SUPT3H: variants seen among roughly 807,000 people sequenced by gnomAD.
SUPT3H encodes the protein transcription initiation protein SPT3 homolog.
Under a neutral mutation model 44.3 loss-of-function variants are expected in SUPT3H, and 44 were observed. The observed-to-expected ratio is 0.99, with a 90% CI of 0.78 to 1.28. SUPT3H has a LOEUF of 1.28. Ranked by LOEUF, SUPT3H falls within the 50% of genes most tolerant of loss-of-function variation. SUPT3H has a pLI of 0.00. For synonymous variants in SUPT3H, 124 were observed against 125.6 expected (o/e 0.99, Z 0.09); for missense variants, 380 against 387.1 (o/e 0.98, Z 0.15).
intron 3 of SUPT3H, among the ~76,000 whole-genome samples, chr6:45,084,573 T>C (rs373531001): frequency 6.6e-6 from 1 of 152,236 alleles, no homozygotes; most frequent in East Asian, 1.9e-4. Flanking sequence ...ACAAAGAACT[T>C]AAAACAGAAG....
At chr6:44,997,290 T>C (rs1781395729) in intron 6 of SUPT3H, among the ~76,000 whole-genome samples, 1 of 151,812 alleles carries the variant, frequency 6.6e-6, no homozygotes, top group African/African-American at 2.4e-5. Flanking sequence ...ATTTAGTCTA[T>C]ATCCAGGAAC....
At chr6:45,328,334 G>A (rs369627478) in intron 2 of SUPT3H, 45 of 1,370,962 alleles carry the variant, frequency 3.3e-5, no homozygotes, top group Admixed American at 2.7e-4. Flanking sequence ...TGCTTCATTC[G>A]CCTCACAAAC....
At chr6:45,224,550 CA>C (rs1766588344) in intron 2 of SUPT3H, among the ~76,000 whole-genome samples, 1 of 151,972 alleles carries the variant, frequency 6.6e-6, no homozygotes, top group South Asian at 2.1e-4. Flanking sequence ...AAACTATACC[CA>C]ACTGGATCAA....
At chr6:45,217,013 C>A (rs532974388) in intron 2 of SUPT3H, among the ~76,000 whole-genome samples, 2 of 152,148 alleles carry the variant, frequency 1.3e-5, no homozygotes, top group South Asian at 4.1e-4. Context: ...CAAGGTAGGA[C>A]AACTTTGGTT....
At chr6:45,205,698 G>A (rs1763118599) in intron 2 of SUPT3H, among the ~76,000 whole-genome samples, 1 of 152,212 alleles carries the variant, frequency 6.6e-6, no homozygotes, top group Non-Finnish European at 1.5e-5. Context: ...CCGGGAGGCT[G>A]AGGCAGGAGA....
At chr6:45,258,377 C>G (rs1773761874) in intron 2 of SUPT3H, among the ~76,000 whole-genome samples, 1 of 152,176 alleles carries the variant, frequency 6.6e-6, no homozygotes. Flanking sequence ...CAAACCATAG[C>G]AACCATAATT....
In SUPT3H at chr6:44,902,982, C is replaced by T. The variant is rs539219458; in HGVS notation, c.912+29671G>A. ...AAATAAAGATGTCCTTTGAAACCAA[C>T]GAGAACAAAGACACAACATACCAGA... On this transcript the variant is annotated intron_variant, in intron 10 of 10. Coordinates refer to ENST00000371459, the MANE Select transcript of SUPT3H (RefSeq NM_003599.4). Among the ~76,000 whole-genome samples, 103 of 152,068 alleles carry T rather than the reference C, an allele frequency of 6.8e-4. No individual in the cohort carries two copies. In the East Asian group the frequency reaches 0.018, roughly 26 times the overall value.
At chr6:45,223,631 T>C (rs1168303297) in intron 2 of SUPT3H, among the ~76,000 whole-genome samples, 3 of 152,060 alleles carry the variant, frequency 2.0e-5, no homozygotes, top group South Asian at 2.1e-4. Flanking sequence ...TCAATTAATC[T>C]TACCCTCTTA....
intron 3 of SUPT3H, among the ~76,000 whole-genome samples, chr6:45,102,009 A>G (rs1051197640): frequency 3.3e-5 from 5 of 152,146 alleles, no homozygotes; most frequent in African/African-American, 9.7e-5. Context: ...CAATGAGTAG[A>G]ACAAGATAAT....
At position 44,953,328 on chromosome 6, in the gene SUPT3H, C is replaced by G; in HGVS notation, c.783G>C (p.Gln261His). ...FSHAISATFI[Q>H]YHNSAESTAA... Reference sequence around the variant, plus strand: ...TACTTACCTCAGCAGAGTTGTGATACTGAATGAAGGTTGCAGAAATGGCAT... The same window carrying G: ...TACTTACCTCAGCAGAGTTGTGATAGTGAATGAAGGTTGCAGAAATGGCAT... Residue 261 changes from glutamine (Q) to histidine (H), a missense_variant, in exon 9 of 11, where the codon CAG becomes CAC. Coordinates refer to ENST00000371459, the MANE Select transcript of SUPT3H (RefSeq NM_003599.4). 1 of 1,613,878 alleles carries G rather than the reference C, an allele frequency of 6.2e-7. No individual in the cohort carries two copies. Among genetic ancestry groups the G allele is most frequent in the Non-Finnish European group, 8.5e-7 (1 of 1,179,912 alleles).
chr6:45,064,971 C>T (rs1792985259), intron 3 of SUPT3H, among the ~76,000 whole-genome samples: 1 of 150,560 alleles, frequency 6.6e-6, no homozygotes, highest in Non-Finnish European at 1.5e-5. Flanking sequence ...TAATAGACAT[C>T]TACAGAACTC....
chr6:44,858,260 GAACA>G (rs1191186362), intron 10 of SUPT3H, among the ~76,000 whole-genome samples: 1 of 152,152 alleles, frequency 6.6e-6, no homozygotes, highest in Non-Finnish European at 1.5e-5. Context: ...AATATTCATT[GAACA>G]AACAAATTAG....
At chr6:44,890,889 C>A (rs34386988) in intron 10 of SUPT3H, among the ~76,000 whole-genome samples, 1 of 151,588 alleles carries the variant, frequency 6.6e-6, no homozygotes, top group Non-Finnish European at 1.5e-5. Context: ...CAAACCAACA[C>A]AGGAACAGAA....
At chr6:44,946,636 A>G (rs995587682) in intron 9 of SUPT3H, among the ~76,000 whole-genome samples, 2 of 152,102 alleles carry the variant, frequency 1.3e-5, no homozygotes, top group Admixed American at 1.3e-4. Flanking sequence ...GCTCAATCTC[A>G]TGATAAAACT....
Position 45,309,821 on chromosome 6 carries a change from G to A in SUPT3H, c.101+55380C>T, listed in dbSNP as rs113526370. Among the ~76,000 whole-genome samples the A allele has an allele frequency of 9.0e-3, 1,376 of 152,232 alleles. 14 individuals are homozygous for A. Among genetic ancestry groups the A allele is most frequent in the South Asian group, 0.028 (137 of 4,814 alleles). On this transcript the variant is annotated intron_variant, in intron 2 of 10. Transcript: ENST00000371459. ...CAGTTTTCTCGGTAGACACCTTACA[G>A]ACCAGGAGAGAATGGGATGATATAG...
At chr6:45,025,838 G>A (rs1352720178) in intron 3 of SUPT3H, among the ~76,000 whole-genome samples, 5 of 148,060 alleles carry the variant, frequency 3.4e-5, no homozygotes, top group Admixed American at 2.0e-4. Flanking sequence ...AGCTGAGATA[G>A]CGCCACTGCA....
At chr6:44,886,492 C>G (rs539603022) in intron 10 of SUPT3H, among the ~76,000 whole-genome samples, 2 of 152,056 alleles carry the variant, frequency 1.3e-5, no homozygotes, top group Non-Finnish European at 2.9e-5. Context: ...AACTTTCAAC[C>G]CAGAATTTCA....
intron 2 of SUPT3H, among the ~76,000 whole-genome samples, chr6:45,328,954 G>A (rs1359070299): frequency 6.6e-6 from 1 of 151,840 alleles, no homozygotes; most frequent in East Asian, 1.9e-4. Flanking sequence ...TTTGCATTTG[G>A]TATCTGTAAT....
At chr6:45,072,085 T>C (rs918592057) in intron 3 of SUPT3H, among the ~76,000 whole-genome samples, 1 of 152,176 alleles carries the variant, frequency 6.6e-6, no homozygotes, top group Non-Finnish European at 1.5e-5. Context: ...ATTTAATGAT[T>C]ACAACAATGC....
Sources: gnomAD v4.1 joint callset for allele counts (sites outside exome capture counted in the v4.1 genomes callset) on GRCh38, gnomAD v4.1.1 for gene constraint, MANE v1.5 for transcripts, NCBI Gene and HGNC (gene_info 2026-07-23, HGNC 2026-07-21) for gene names.